The following SYNE1 variants were observed in gnomAD, a reference collection of about 807,000 sequenced individuals.
SYNE1 encodes spectrin repeat containing nuclear envelope protein 1, also known as nesprin-1.
Under a neutral mutation model 1,111.0 loss-of-function variants are expected in SYNE1, and 616 were observed. That is an observed-to-expected ratio of 0.55 (90% CI 0.52 to 0.59). SYNE1 has a LOEUF of 0.59. Among genes scored for constraint, SYNE1 ranks in the 20% least tolerant of loss-of-function variants. The pLI, the probability that SYNE1 is intolerant of heterozygous loss-of-function variation, is 0.00. For synonymous variants in SYNE1, 3,855 were observed against 3,825.8 expected (o/e 1.01, Z -0.28); for missense variants, 10,006 against 10,417.0 (o/e 0.96, Z 1.72).
At chr6:152,298,803 G>A (rs532374964) in intron 93 of SYNE1, among the ~76,000 whole-genome samples, 1 of 152,190 alleles carries the variant, frequency 6.6e-6, no homozygotes, top group East Asian at 1.9e-4. Flanking sequence ...AATAACATGT[G>A]GCCGTAATGA....
At chr6:152,126,882 G>A (rs1433529397) in intron 145 of SYNE1, 1 of 152,226 alleles carries the variant, frequency 6.6e-6, no homozygotes, top group Non-Finnish European at 1.5e-5. Flanking sequence ...TTAATTTCGT[G>A]CATGCATCAT....
At chr6:152,195,330 C>G (rs533115157) in intron 127 of SYNE1, among the ~76,000 whole-genome samples, 16 of 152,322 alleles carry the variant, frequency 1.1e-4, no homozygotes, top group Non-Finnish European at 1.8e-4. Context: ...GTCATGTTTT[C>G]CTGAATGGTC....
chr6:152,337,342 T>C (rs948134311), intron 75 of SYNE1, among the ~76,000 whole-genome samples: 8 of 151,632 alleles, frequency 5.3e-5, no homozygotes, highest in Admixed American at 4.6e-4. Context: ...CAGGCTGGAG[T>C]GCAATGGCAC....
chr6:152,581,306 G>T (rs2099518473), intron 3 of SYNE1, among the ~76,000 whole-genome samples: 1 of 152,202 alleles, frequency 6.6e-6, no homozygotes, highest in African/African-American at 2.4e-5. Flanking sequence ...TTCTCCATCA[G>T]CCACAACCTT....
chr6:152,383,094 A>G (rs979498151), intron 55 of SYNE1, among the ~76,000 whole-genome samples: 2 of 152,040 alleles, frequency 1.3e-5, no homozygotes, highest in African/African-American at 4.8e-5. Flanking sequence ...GGTTTTTAAA[A>G]CCACCCACAC....
chr6:152,183,793 C>T (rs528767549), intron 128 of SYNE1, among the ~76,000 whole-genome samples: 1 of 152,180 alleles, frequency 6.6e-6, no homozygotes, highest in African/African-American at 2.4e-5. Flanking sequence ...ATCCCCATTC[C>T]AGAGACAAGG....
intron 127 of SYNE1, among the ~76,000 whole-genome samples, chr6:152,201,513 G>C (rs1449576892): frequency 1.3e-5 from 2 of 149,896 alleles, no homozygotes; most frequent in Admixed American, 6.7e-5. Context: ...GATTCTTCTG[G>C]TAGAATGACT....
At chr6:152,556,715 C>T (rs999793143) in intron 3 of SYNE1, among the ~76,000 whole-genome samples, 4 of 152,200 alleles carry the variant, frequency 2.6e-5, no homozygotes, top group Non-Finnish European at 5.9e-5. Flanking sequence ...ACGAAAACAT[C>T]AGGCCAGTCC....
At chr6:152,534,928 C>T (rs192384876) in intron 4 of SYNE1, among the ~76,000 whole-genome samples, 1 of 152,330 alleles carries the variant, frequency 6.6e-6, no homozygotes, top group Admixed American at 6.5e-5. Flanking sequence ...AGACTGTATG[C>T]ATCTAACTTG....
At position 152,352,288 on chromosome 6, in the gene SYNE1, C is replaced by T; in HGVS notation, c.11319G>A (p.Arg3773=). ...LLKSAREKGE[R]AVKYLEEGEA... ...CGCCTTCCTCCAAGTATTTAACAGC[C>T]CTCTCTCCTTTCTCCCGGGCTGATT... The change falls in exon 70 of 146, where the codon AGG becomes AGA. Residue 3773 remains arginine, a synonymous_variant. Coordinates refer to ENST00000367255, the MANE Select transcript of SYNE1 (RefSeq NM_182961.4). 1 of 1,614,146 alleles carries T rather than the reference C, an allele frequency of 6.2e-7. No individual in the cohort carries two copies. The highest frequency in any genetic ancestry group is 1.1e-5 in the South Asian group (1 of 91,070).
intron 95 of SYNE1, among the ~76,000 whole-genome samples, chr6:152,290,284 T>A (rs2094538008): frequency 6.6e-6 from 1 of 152,034 alleles, no homozygotes; most frequent in Admixed American, 6.6e-5. Context: ...CAGCCAAGCA[T>A]GGTGGCTCAC....
chr6:152,172,599 T>C (rs1210453513), intron 130 of SYNE1, among the ~76,000 whole-genome samples: 1 of 152,210 alleles, frequency 6.6e-6, no homozygotes, highest in African/African-American at 2.4e-5. Context: ...GAAGAATTAA[T>C]ACTAAAAAGA....
chr6:152,202,078 G>T, intron 126 of SYNE1, 129 bp from the exon 127 acceptor site: 1 of 1,228,780 alleles, frequency 8.1e-7, no homozygotes, highest in Non-Finnish European at 1.1e-6. Flanking sequence ...TGAGTGTGGT[G>T]GCTCACGCGT....
At chr6:152,163,098 G>A (rs987950411) in intron 131 of SYNE1, among the ~76,000 whole-genome samples, 7 of 152,204 alleles carry the variant, frequency 4.6e-5, no homozygotes, top group Non-Finnish European at 7.4e-5. Flanking sequence ...GAACCAGAGT[G>A]TGGATAGAAT....
intron 66 of SYNE1, among the ~76,000 whole-genome samples, chr6:152,355,672 T>C (rs1344643466): frequency 1.3e-5 from 2 of 152,208 alleles, no homozygotes; most frequent in African/African-American, 2.4e-5. Flanking sequence ...CTTAAAGATA[T>C]TGGTAAAACA....
chr6:152,319,151 C>A, intron 84 of SYNE1, 136 bp from the exon 85 acceptor site: 17 of 1,240,992 alleles, frequency 1.4e-5, no homozygotes, highest in South Asian at 2.7e-5. Flanking sequence ...CAGCGATGTG[C>A]GATTAGTTAC....
At chr6:152,404,116 T>A in intron 46 of SYNE1, 97 bp downstream of exon 46, 1 of 616,588 alleles carries the variant, frequency 1.6e-6, no homozygotes, top group Non-Finnish European at 2.9e-6. Context: ...TATATATATA[T>A]ACACACACAC....
chr6:152,230,678 C>A lies in SYNE1; in HGVS notation c.21064G>T (p.Glu7022Ter). Residue 7022 changes from glutamate to a stop codon, truncating the protein, a stop_gained, in exon 115 of 146, where the codon GAA becomes TAA. Coordinates refer to ENST00000367255, the MANE Select transcript of SYNE1 (RefSeq NM_182961.4). LOFTEE classifies it high-confidence loss of function. ...EKIQLLEGLL[E>*]SWSEYENNVQ... ...TTATTTTCATATTCTGACCAAGATT[C>A]CAATAAGCCTTCCAACAGCTGGATC... 2 of 1,613,960 alleles carry A rather than the reference C, an allele frequency of 1.2e-6. No homozygotes were observed. The highest frequency in any genetic ancestry group is 1.7e-6 in the Non-Finnish European group (2 of 1,179,946).
Position 152,151,405 on chromosome 6 carries a change from T to A in SYNE1, c.24450+148A>T. 2 of 925,412 alleles carry A rather than the reference T, an allele frequency of 2.2e-6. 1 individual carries two copies. The highest frequency in any genetic ancestry group is 3.3e-5 in the African/African-American group (2 of 59,900). The allele number at this position is 925,412 out of a possible 1,614,324, so 57.3% of individuals were successfully genotyped here. On this transcript the variant is annotated intron_variant, in intron 135 of 145. Transcript: ENST00000367255. ...GGGTAGTGCTCTTTATCTGATTTTT[T>A]ATATATTTTACATTTTCTGAATTTT...
Sources: gnomAD v4.1 joint callset for allele counts (sites outside exome capture counted in the v4.1 genomes callset) on GRCh38, gnomAD v4.1.1 for gene constraint, MANE v1.5 for transcripts, NCBI Gene and HGNC (gene_info 2026-07-23, HGNC 2026-07-21) for gene names.